The following ZNF26 variants were observed in gnomAD, a reference collection of about 807,000 sequenced individuals.
The protein encoded by ZNF26 is zinc finger protein 26.
Under a neutral mutation model 54.9 loss-of-function variants are expected in ZNF26, and 32 were observed. That is an observed-to-expected ratio of 0.58 (90% CI 0.44 to 0.78). The LOEUF (loss-of-function observed/expected upper bound fraction) is 0.78. Among genes scored for constraint, ZNF26 ranks in the 30% least tolerant of loss-of-function variants. ZNF26 has a pLI of 0.00. For synonymous variants in ZNF26, 221 were observed against 209.2 expected (o/e 1.06, Z -0.49); for missense variants, 524 against 634.0 (o/e 0.83, Z 1.86).
intron 1 of ZNF26, chr12:133,005,732 G>C (rs2137248640): frequency 6.6e-6 from 1 of 152,282 alleles, no homozygotes; most frequent in South Asian, 2.1e-4. Flanking sequence ...ACCTGAGCTG[G>C]CATGCTGTCT....
rs1293803624 is a variant in ZNF26 at position 133,012,053 on chromosome 12, TA to T, written c.*573del. ...AACTTGTTCTATCTATCTATATATA[TA>T]TTTGATAGTTTGTGGAATAATATCC... On this transcript the variant is annotated 3_prime_UTR_variant, in exon 4 of 4. Coordinates refer to ENST00000328654, the MANE Select transcript of ZNF26 (RefSeq NM_019591.4). The T allele has an allele frequency of 6.6e-6, 1 of 152,244 alleles. No individual in the cohort carries two copies. Among genetic ancestry groups the T allele is most frequent in the African/African-American group, 2.4e-5 (1 of 41,462 alleles). 9.4% of individuals were successfully genotyped at this position (152,244 alleles called of 1,614,324 possible). A position where few individuals can be genotyped will look rare whatever the true frequency, so the allele number is the denominator to read the frequency against.
intron 1 of ZNF26, among the ~76,000 whole-genome samples, chr12:132,987,980 C>G (rs1175497220): frequency 1.3e-5 from 2 of 152,206 alleles, no homozygotes; most frequent in Non-Finnish European, 2.9e-5. Flanking sequence ...CACTGCCACA[C>G]TGTCTTGATT....
chr12:133,011,527 C>T lies in ZNF26; in HGVS notation c.*46C>T, dbSNP rs1003885658. ...TGAGAAACTGATGTTCAGGAGACTT[C>T]GGATAATATAGACAGGATTTACAAG... On this transcript the variant is annotated 3_prime_UTR_variant, in exon 4 of 4. Transcript: ENST00000328654. 36 of 1,498,868 alleles carry T rather than the reference C, an allele frequency of 2.4e-5. No homozygotes were observed. The highest frequency in any genetic ancestry group is 1.8e-4 in the Middle Eastern group (1 of 5,580). 92.8% of individuals were successfully genotyped at this position (1,498,868 alleles called of 1,614,324 possible).
At chr12:132,996,945 G>A (rs1179015394) in intron 1 of ZNF26, among the ~76,000 whole-genome samples, 2 of 152,082 alleles carry the variant, frequency 1.3e-5, no homozygotes, top group East Asian at 3.8e-4. Flanking sequence ...ATTTAATAGG[G>A]ACTTAAGAAC....
Position 133,007,244 on chromosome 12 carries a change from C to T in ZNF26, c.160+76C>T, listed in dbSNP as rs76201775. On this transcript the variant is annotated intron_variant, in intron 2 of 3. Transcript: ENST00000328654. ...CCCTTTTTTTGTTGTTGAACTACTC[C>T]GGGATCTCTGAAGTGCTTAATGATT... The T allele has an allele frequency of 3.5e-3, 5,436 of 1,550,244 alleles. 151 individuals carry two copies. The African/African-American group carries it at 0.062, about 18-fold the overall frequency.
At chr12:133,008,330 C>T (rs1953380197) in intron 3 of ZNF26, among the ~76,000 whole-genome samples, 1 of 152,172 alleles carries the variant, frequency 6.6e-6, no homozygotes, top group Non-Finnish European at 1.5e-5. Context: ...CTCTAAGGAG[C>T]AGTGCCATCT....
chr12:133,002,463 C>T (rs1953239655), intron 1 of ZNF26, among the ~76,000 whole-genome samples: 2 of 152,030 alleles, frequency 1.3e-5, no homozygotes. Flanking sequence ...CTCAAAATAC[C>T]AGTCAGAGCG....
At chr12:132,997,375 C>A (rs969998718) in intron 1 of ZNF26, among the ~76,000 whole-genome samples, 13 of 152,182 alleles carry the variant, frequency 8.5e-5, no homozygotes, top group African/African-American at 2.4e-4. Flanking sequence ...ATCAGAAACC[C>A]ACATGGTAGA....
At chr12:132,998,451 C>G (rs994226980) in intron 1 of ZNF26, among the ~76,000 whole-genome samples, 1 of 152,132 alleles carries the variant, frequency 6.6e-6, no homozygotes, top group Admixed American at 6.5e-5. Context: ...AGGCATAAGC[C>G]ACTGCTCTCG....
chr12:132,996,086 G>A (rs1247056090), intron 1 of ZNF26, among the ~76,000 whole-genome samples: 1 of 152,174 alleles, frequency 6.6e-6, no homozygotes, highest in East Asian at 1.9e-4. Flanking sequence ...TCGGGTTTCT[G>A]GATGGTATAT....
intron 2 of ZNF26, 110 bp downstream of exon 2, chr12:133,007,278 G>C: frequency 7.1e-7 from 1 of 1,412,052 alleles, no homozygotes; most frequent in African/African-American, 1.4e-5. Context: ...TTATGAACTT[G>C]AACTTTAGGG....
chr12:133,011,377 C>A lies in ZNF26; in HGVS notation c.1498C>A (p.His500Asn), dbSNP rs1302621981. 1 of 1,613,142 alleles carries A rather than the reference C, an allele frequency of 6.2e-7. No individual in the cohort carries two copies. Among genetic ancestry groups the A allele is most frequent in the Non-Finnish European group, 8.5e-7 (1 of 1,179,638 alleles). Residue 500 changes from histidine to asparagine, a missense_variant, in exon 4 of 4, where the codon CAT (histidine) becomes AAT (asparagine). Physicochemically the swap from His to Asn is moderately conservative, Grantham distance 68 (BLOSUM62 1). Coordinates refer to ENST00000328654, the MANE Select transcript of ZNF26 (RefSeq NM_019591.4). The part of the protein sequence containing the change: ...AFTQKSSLSE[H>N]QRVHTGEKPW... ...CACTCAGAAGTCATCTCTCAGTGAA[C>A]ATCAGAGAGTTCACACCGGAGAGAA...
chr12:133,006,912 A>G (rs1336977344), intron 1 of ZNF26, 130 bp from the exon 2 acceptor site: 1 of 1,214,582 alleles, frequency 8.2e-7, no homozygotes, highest in African/African-American at 1.5e-5. Flanking sequence ...ATTCTCTCAC[A>G]AAGTAAATGC....
At position 133,010,400 on chromosome 12, in the gene ZNF26, G is replaced by C; in HGVS notation, c.521G>C (p.Cys174Ser). The C allele has an allele frequency of 6.2e-7, 1 of 1,614,146 alleles. No individual in the cohort carries two copies. The highest frequency in any genetic ancestry group is 2.2e-5 in the East Asian group (1 of 44,886). Residue 174 changes from cysteine to serine, a missense_variant, in exon 4 of 4, where the codon TGT becomes TCT. By Grantham distance (112) the Cys-to-Ser change is moderately radical. Transcript: ENST00000328654. ...HQRAHSIEKN[C>S]VCSECGKAFR... Reference sequence around the variant, plus strand: ...AGAGCTCATAGCATAGAAAAAAACTGTGTGTGTAGTGAATGTGGGAAAGCT... The same window carrying C: ...AGAGCTCATAGCATAGAAAAAAACTCTGTGTGTAGTGAATGTGGGAAAGCT...
At chr12:133,006,981 C>T in intron 1 of ZNF26, 61 bp from the exon 2 acceptor site, 1 of 1,590,978 alleles carries the variant, frequency 6.3e-7, no homozygotes, top group Non-Finnish European at 8.6e-7. Flanking sequence ...AGTTCCTCTG[C>T]ATCTTTTCCA....
intron 2 of ZNF26, 54 bp from the exon 3 acceptor site, chr12:133,007,383 T>A (rs1333015856): frequency 1.3e-6 from 2 of 1,485,152 alleles, no homozygotes; most frequent in Admixed American, 1.8e-5. Context: ...TCTTGATTCC[T>A]CGGTCCTGTC....
intron 1 of ZNF26, among the ~76,000 whole-genome samples, chr12:132,993,655 C>T (rs1306021813): frequency 1.3e-5 from 2 of 151,298 alleles, no homozygotes; most frequent in Non-Finnish European, 2.9e-5. Context: ...GGGGTTTCAC[C>T]ATACTGGCCA....
rs754851788 is a variant in ZNF26 at position 133,019,775 on chromosome 12, TC to T, written c.*8296del. On this transcript the variant is annotated 3_prime_UTR_variant, in exon 4 of 4. Transcript: ENST00000328654. Reference sequence around the variant, plus strand: ...AAAGAGACACCTGCACTCTCACGTTTCCTGCAGCACTATCCACAAGAGCCAA... The same window carrying T: ...AAAGAGACACCTGCACTCTCACGTTTCTGCAGCACTATCCACAAGAGCCAA... The T allele has an allele frequency of 0.013, 1,978 of 152,332 alleles. 24 individuals are homozygous for T. Among genetic ancestry groups the T allele is most frequent in the Non-Finnish European group, 0.021 (1,401 of 68,074 alleles). 9.4% of individuals were successfully genotyped at this position (152,332 alleles called of 1,614,324 possible).
chr12:133,026,131 TCTCA>T lies in ZNF26; in HGVS notation c.*14654_*14657del, dbSNP rs1469086443. The stretch of plus-strand genomic sequence containing the variant: ...ACTTTTTTTTTTTTTTGAGATGCAC[TCTCA>T]CTCTTTCCCAGGCTGGAGTGCAGTG... On this transcript the variant is annotated 3_prime_UTR_variant, in exon 4 of 4. Coordinates refer to ENST00000328654, the MANE Select transcript of ZNF26 (RefSeq NM_019591.4). 1 of 151,564 alleles carries T rather than the reference TCTCA, an allele frequency of 6.6e-6. No individual in the cohort carries two copies. 9.4% of individuals were successfully genotyped at this position (151,564 alleles called of 1,614,324 possible).
Sources: allele counts gnomAD v4.1 joint callset (sites outside exome capture counted in the v4.1 genomes callset), GRCh38; gene constraint gnomAD v4.1.1; transcripts MANE v1.5; gene names NCBI Gene and HGNC (gene_info 2026-07-23, HGNC 2026-07-21).